Variants in CASK observed in about 807,000 individuals in gnomAD.
CASK encodes the protein calcium/calmodulin dependent serine protein kinase.
Under a neutral mutation model 82.9 loss-of-function variants are expected in CASK, and 4 were observed. The ratio of observed to expected loss-of-function variants is 0.05; its 90% CI spans 0.02 to 0.11. The LOEUF is 0.11. Among genes scored for constraint, CASK ranks in the 10% least tolerant of loss-of-function variants. The probability of loss-of-function intolerance (pLI) is 1.00; values close to 1 mark genes in which losing one functional copy is unlikely to be tolerated. For synonymous variants in CASK, 259 were observed against 253.5 expected (o/e 1.02, Z -0.20); for missense variants, 358 against 720.9 (o/e 0.50, Z 5.76).
chrX:41,530,907 T>G (rs1431311628), intron 25 of CASK, 100 bp downstream of exon 25: 1 of 754,738 alleles, frequency 1.3e-6, no homozygotes, highest in East Asian at 3.3e-5. Context: ...TATGAAATTA[T>G]TATGTGACCT....
intron 5 of CASK, among the ~76,000 whole-genome samples, chrX:41,690,663 T>A (rs1463109261): frequency 2.3e-5 from 2 of 87,830 alleles, no homozygotes; most frequent in African/African-American, 8.7e-5. Context: ...TCCCGGCCAA[T>A]TTTTTTTTTT....
At chrX:41,686,641 G>T (rs887244942) in intron 5 of CASK, among the ~76,000 whole-genome samples, 1 of 111,344 alleles carries the variant, frequency 9.0e-6, no homozygotes, top group African/African-American at 3.3e-5. Context: ...AGGACTGTTG[G>T]CAGCCCAGGG....
intron 1 of CASK, among the ~76,000 whole-genome samples, chrX:41,893,628 C>G (rs1255529345): frequency 8.9e-6 from 1 of 112,080 alleles, no homozygotes; most frequent in Non-Finnish European, 1.9e-5. Flanking sequence ...TTTAAACTGC[C>G]TGAACTTTCA....
chrX:41,744,385 G>A (rs1192100140), intron 4 of CASK, among the ~76,000 whole-genome samples: 1 of 102,226 alleles, frequency 9.8e-6, no homozygotes, highest in African/African-American at 3.6e-5. Context: ...TCGCTCTGTC[G>A]CCCAGGCTGG....
chrX:41,882,023 T>C (rs1217108613), intron 1 of CASK, among the ~76,000 whole-genome samples: 2 of 111,229 alleles, frequency 1.8e-5, no homozygotes, highest in Middle Eastern at 4.2e-3. Flanking sequence ...GTTGTCAGGA[T>C]AAAATGAATA....
At chrX:41,827,190 A>C (rs1366128057) in intron 2 of CASK, among the ~76,000 whole-genome samples, 1 of 112,085 alleles carries the variant, frequency 8.9e-6, no homozygotes, top group Non-Finnish European at 1.9e-5. Context: ...TCTAAGTCAC[A>C]GAAACATACA....
intron 12 of CASK, among the ~76,000 whole-genome samples, chrX:41,603,902 T>C (rs1294754060): frequency 2.7e-5 from 3 of 111,634 alleles, no homozygotes; most frequent in Non-Finnish European, 5.6e-5. Flanking sequence ...ATAGGAAAAT[T>C]TATACTAGAA....
intron 1 of CASK, among the ~76,000 whole-genome samples, chrX:41,889,672 G>A (rs1199432880): frequency 1.8e-5 from 2 of 112,087 alleles, no homozygotes; most frequent in Non-Finnish European, 3.8e-5. Context: ...AAACACCACT[G>A]TATAATAAAA....
At chrX:41,686,403 CTTT>C (rs779954075) in intron 5 of CASK, among the ~76,000 whole-genome samples, 10 of 94,416 alleles carry the variant, frequency 1.1e-4, no homozygotes, top group African/African-American at 7.6e-5. Context: ...TTCTTTCTTT[CTTT>C]TTTTTTTTTT....
At chrX:41,558,848 T>C (rs1197136471) in intron 18 of CASK, 1 of 111,794 alleles carries the variant, frequency 8.9e-6, no homozygotes, top group Non-Finnish European at 1.9e-5. Flanking sequence ...ATTTACACCA[T>C]CACTAGAGAC....
At chrX:41,781,523 T>C (rs1020501063) in intron 3 of CASK, among the ~76,000 whole-genome samples, 3 of 112,141 alleles carry the variant, frequency 2.7e-5, no homozygotes, top group African/African-American at 9.7e-5. Flanking sequence ...CTACACTGTA[T>C]GGGTGTCATG....
chrX:41,758,804 G>T (rs181735491), intron 3 of CASK, among the ~76,000 whole-genome samples: 74 of 112,206 alleles, frequency 6.6e-4, no homozygotes, highest in Middle Eastern at 4.6e-3. Context: ...CCTTTTCAAT[G>T]GAGAAAGGGA....
chrX:41,628,188 T>C (rs960274534), intron 9 of CASK, among the ~76,000 whole-genome samples: 1 of 112,497 alleles, frequency 8.9e-6, no homozygotes, highest in African/African-American at 3.2e-5. Flanking sequence ...GAATCACTCA[T>C]TTAGTTAGTT....
At chrX:41,646,631 C>G (rs150074868) in intron 8 of CASK, among the ~76,000 whole-genome samples, 241 of 111,638 alleles carry the variant, frequency 2.2e-3, no homozygotes, top group African/African-American at 6.6e-3. Flanking sequence ...ACTGTTGTTC[C>G]CATTACCATC....
intron 2 of CASK, among the ~76,000 whole-genome samples, chrX:41,825,344 T>TAAGAGGCCTTTGA (rs80200162): frequency 0.19 from 20,917 of 110,587 alleles, 1,615 homozygotes; most frequent in Middle Eastern, 0.31. Flanking sequence ...TTACTGGGCT[T>TAAGAGGCCTTTGA]TTAGATTAGA....
At chrX:41,812,095 T>C (rs934964568) in intron 2 of CASK, among the ~76,000 whole-genome samples, 1 of 111,478 alleles carries the variant, frequency 9.0e-6, no homozygotes, top group Non-Finnish European at 1.9e-5. Context: ...AGGCAATAAT[T>C]AATAGCCTAC....
At chrX:41,644,569 C>T (rs1252257347) in intron 8 of CASK, among the ~76,000 whole-genome samples, 6 of 111,463 alleles carry the variant, frequency 5.4e-5, no homozygotes, top group Non-Finnish European at 9.4e-5. Context: ...GTAGGCACCT[C>T]AAAAAAAGAA....
At chrX:41,838,504 C>T (rs1261105909) in intron 2 of CASK, among the ~76,000 whole-genome samples, 4 of 111,789 alleles carry the variant, frequency 3.6e-5, no homozygotes, top group African/African-American at 9.8e-5. Flanking sequence ...GCCAGTAATC[C>T]CAGCACTTTG....
At chrX:41,657,913 A>T (rs1049299742) in intron 8 of CASK, among the ~76,000 whole-genome samples, 4 of 111,719 alleles carry the variant, frequency 3.6e-5, no homozygotes, top group Non-Finnish European at 7.5e-5. Flanking sequence ...CCCAGGCAGG[A>T]TTAGAGGGTT....
Sources: gnomAD v4.1 joint callset for allele counts (sites outside exome capture counted in the v4.1 genomes callset) on GRCh38, gnomAD v4.1.1 for gene constraint, MANE v1.5 for transcripts, NCBI Gene and HGNC (gene_info 2026-07-23, HGNC 2026-07-21) for gene names.